The following ESR1 variants were observed in gnomAD, a reference collection of about 807,000 sequenced individuals.
The protein encoded by ESR1 is estrogen receptor.
In ESR1, 12 loss-of-function variants were observed where a neutral mutation model predicts 52.7. The observed-to-expected ratio is 0.23, with a 90% CI of 0.15 to 0.37. The LOEUF (loss-of-function observed/expected upper bound fraction) is 0.37, where lower values mean the gene tolerates loss of function less well. ESR1 is among the 10% of genes least tolerant of loss of function. The probability of loss-of-function intolerance (pLI) is 1.00; values close to 1 mark genes in which losing one functional copy is unlikely to be tolerated. For synonymous variants in ESR1, 305 were observed against 316.8 expected, an observed-to-expected ratio of 0.96 and a Z score of 0.39; for missense variants, 584 against 779.7, an observed-to-expected ratio of 0.75 and a Z score of 2.99.
intron 3 of ESR1, among the ~76,000 whole-genome samples, chr6:151,897,183 A>G (rs565784871): frequency 6.6e-6 from 1 of 152,262 alleles, no homozygotes; most frequent in African/African-American, 2.4e-5. Context: ...TTATGTAAAG[A>G]TCTGTTAAGT....
intron 5 of ESR1, among the ~76,000 whole-genome samples, chr6:152,021,287 G>A (rs2011885): frequency 0.45 from 67,607 of 151,904 alleles, 17,136 homozygotes; most frequent in African/African-American, 0.69. Context: ...CTGCCCTTGA[G>A]CATTGGACTC....
intron 1 of ESR1, among the ~76,000 whole-genome samples, chr6:151,817,311 T>G (rs1407186758): frequency 3.3e-5 from 5 of 152,222 alleles, no homozygotes; most frequent in African/African-American, 1.2e-4. Flanking sequence ...CTTTTCTCAC[T>G]GATTTACAGT....
intron 1 of ESR1, among the ~76,000 whole-genome samples, chr6:151,668,600 T>G (rs1777912587): frequency 6.6e-6 from 1 of 152,030 alleles, no homozygotes; most frequent in Non-Finnish European, 1.5e-5. Flanking sequence ...CTCTATCAGT[T>G]CCCTTTATAA....
chr6:152,058,588 A>G (rs2047296017), intron 5 of ESR1, among the ~76,000 whole-genome samples: 1 of 152,178 alleles, frequency 6.6e-6, no homozygotes, highest in Admixed American at 6.5e-5. Context: ...CAATTTCTTC[A>G]ATATTGAGAT....
At chr6:151,899,069 G>GT (rs1377327034) in intron 3 of ESR1, among the ~76,000 whole-genome samples, 1 of 146,814 alleles carries the variant, frequency 6.8e-6, no homozygotes, top group African/African-American at 2.5e-5. Flanking sequence ...GGCTGGCCGG[G>GT]TGGGGGGCTG....
At chr6:151,879,829 A>C in intron 2 of ESR1, among the ~76,000 whole-genome samples, 1 of 152,158 alleles carries the variant, frequency 6.6e-6, no homozygotes, top group Admixed American at 6.5e-5. Context: ...TTGTGAACTG[A>C]AGGACTGAAC....
At chr6:151,765,641 T>C (rs1398228025) in intron 2 of ESR1, among the ~76,000 whole-genome samples, 2 of 152,346 alleles carry the variant, frequency 1.3e-5, no homozygotes, top group Admixed American at 1.3e-4. Context: ...GGCAGCACTT[T>C]CTTCCTAAAA....
intron 4 of ESR1, among the ~76,000 whole-genome samples, chr6:152,006,137 A>G (rs1171153470): frequency 1.3e-5 from 2 of 152,058 alleles, no homozygotes; most frequent in East Asian, 3.9e-4. Flanking sequence ...GAGACTCACA[A>G]TATTTCAAAA....
At chr6:151,850,071 T>TTATTTTATATGA (rs1236090356) in intron 2 of ESR1, among the ~76,000 whole-genome samples, 1 of 94,876 alleles carries the variant, frequency 1.1e-5, no homozygotes, top group Non-Finnish European at 2.1e-5. Flanking sequence ...TTTATATATA[T>TTATTTTATATGA]ATAAAAAATT....
chr6:152,042,547 A>G (rs2045894163), intron 5 of ESR1, among the ~76,000 whole-genome samples: 1 of 152,058 alleles, frequency 6.6e-6, no homozygotes. Context: ...CACTGCATAA[A>G]TTGTCAGCAA....
chr6:152,079,335 C>G (rs1304885818), intron 6 of ESR1, among the ~76,000 whole-genome samples: 1 of 152,172 alleles, frequency 6.6e-6, no homozygotes, highest in Non-Finnish European at 1.5e-5. Flanking sequence ...GCTGGTGATA[C>G]CCAGGCAAAC....
rs1778126178 is a variant in ESR1 at position 151,807,806 on chromosome 6, G to T, written c.-107G>T. On this transcript the variant is annotated 5_prime_UTR_variant, in exon 1 of 8. Transcript: ENST00000206249. ...CTCGCGTGTCGGCGGGACATGCGCT[G>T]CGTCGCCTCTAACCTCGGGCTGTGC... 4 of 1,029,048 alleles carry T rather than the reference G, an allele frequency of 3.9e-6. No homozygotes were observed. The highest frequency in any genetic ancestry group is 5.9e-6 in the Non-Finnish European group (4 of 681,552). The allele number at this position is 1,029,048 out of a possible 1,614,324, so 63.7% of individuals were successfully genotyped here. A position where few individuals can be genotyped will look rare whatever the true frequency, so the allele number is the denominator to read the frequency against.
At chr6:151,679,426 C>T (rs543166813) in intron 1 of ESR1, among the ~76,000 whole-genome samples, 3 of 152,072 alleles carry the variant, frequency 2.0e-5, no homozygotes, top group Admixed American at 6.5e-5. Flanking sequence ...CTCGGCTCAC[C>T]GCAACCTCCG....
At position 151,716,809 on chromosome 6, in the gene ESR1, T is replaced by G. The variant is rs537864122; in HGVS notation, c.-71+14804T>G. 1.1e-3 allele frequency among the ~76,000 whole-genome samples: 166 copies of G among 152,316 alleles called. 1 individual carries two copies. Among genetic ancestry groups the G allele is most frequent in the Non-Finnish European group, 2.0e-3 (136 of 68,014 alleles). Reference sequence around the variant, plus strand: ...CCACTGAGCTAGAACATTGGCTCCCTGGCTTCAGCCCCCTTTTCTGGGGAG... The same window carrying G: ...CCACTGAGCTAGAACATTGGCTCCCGGGCTTCAGCCCCCTTTTCTGGGGAG... On this transcript the variant is annotated intron_variant, in intron 2 of 2. Transcript: ENST00000404742.
At chr6:151,929,098 A>C (rs2033208858) in intron 3 of ESR1, among the ~76,000 whole-genome samples, 1 of 152,192 alleles carries the variant, frequency 6.6e-6, no homozygotes, top group South Asian at 2.1e-4. Context: ...GTTTAGGTCA[A>C]CTATATCTGT....
intron 1 of ESR1, among the ~76,000 whole-genome samples, chr6:151,683,545 T>C (rs1034954583): frequency 2.0e-5 from 3 of 151,702 alleles, no homozygotes; most frequent in African/African-American, 7.3e-5. Flanking sequence ...TATTCCCAGG[T>C]AGCCTGCAAT....
intron 5 of ESR1, among the ~76,000 whole-genome samples, chr6:152,023,364 C>T (rs1047086857): frequency 1.4e-4 from 21 of 152,090 alleles, no homozygotes; most frequent in African/African-American, 5.1e-4. Flanking sequence ...TCTCATCTGC[C>T]CATAATCCAA....
Position 152,110,302 on chromosome 6 carries a change from A to G in ESR1, c.851-14964A>G, listed in dbSNP as rs374828062. Among the ~76,000 whole-genome samples, 130 of 152,318 alleles carry G rather than the reference A, an allele frequency of 8.5e-4. 1 individual carries two copies. The highest frequency in any genetic ancestry group is 3.0e-3 in the African/African-American group (123 of 41,570). ...GTAATGCCTGTCAATGGTAGACTGG[A>G]TAAGGAAAATGTGGTATATATACAT... On this transcript the variant is annotated intron_variant, in intron 6 of 6. Coordinates refer to the ESR1 transcript ENST00000427531.
In ESR1 at chr6:152,094,328, C is replaced by A; in HGVS notation, c.1370-57C>A. 6.7e-7 allele frequency: 1 copy of A among 1,483,682 alleles called. No individual in the cohort carries two copies. Among genetic ancestry groups the A allele is most frequent in the Non-Finnish European group, 9.4e-7 (1 of 1,061,654 alleles). The allele number at this position is 1,483,682 out of a possible 1,614,324, so 91.9% of individuals were successfully genotyped here. On this transcript the variant is annotated intron_variant, in intron 6 of 7. Coordinates refer to ENST00000206249, the MANE Select transcript of ESR1 (RefSeq NM_000125.4). This position sits in a 1 kb window ranked among gnomAD's most constrained non-coding sequence, Gnocchi z 4.6. ...GTTACATCCCATGAACACTCTGGGT[C>A]TCCTAGACCTCATCCTCTTTGAGCT...
Sources: allele counts gnomAD v4.1 joint callset (sites outside exome capture counted in the v4.1 genomes callset), GRCh38; gene constraint gnomAD v4.1.1; non-coding constraint Gnocchi (gnomAD v3.1); transcripts MANE v1.5; gene names NCBI Gene and HGNC (gene_info 2026-07-23, HGNC 2026-07-21).